The following GOLGA4 variants were observed in gnomAD, a reference collection of about 807,000 sequenced individuals.
The protein encoded by GOLGA4 is golgin subfamily A member 4.
GOLGA4 carries 169 observed loss-of-function variants against 265.9 expected under a neutral mutation model. The ratio of observed to expected loss-of-function variants is 0.64; its 90% CI spans 0.56 to 0.72. GOLGA4 has a LOEUF of 0.72. GOLGA4 is among the 30% of genes least tolerant of loss of function. GOLGA4 has a pLI of 0.00. For synonymous variants in GOLGA4, 923 were observed against 855.8 expected, an observed-to-expected ratio of 1.08 and a Z score of -1.37; for missense variants, 2,482 against 2,483.4, an observed-to-expected ratio of 1.00 and a Z score of 0.01.
At chr3:37,314,849 T>C (rs946652604) in intron 10 of GOLGA4, among the ~76,000 whole-genome samples, 3 of 152,194 alleles carry the variant, frequency 2.0e-5, no homozygotes, top group Non-Finnish European at 4.4e-5. Flanking sequence ...TTGAAACTTA[T>C]ACAAATAGTA....
chr3:37,271,969 G>T (rs567828729), intron 2 of GOLGA4, among the ~76,000 whole-genome samples: 185 of 152,284 alleles, frequency 1.2e-3, no homozygotes, highest in South Asian at 4.8e-3. Flanking sequence ...TAGGTTGCAT[G>T]CTCCTTATGA....
intron 2 of GOLGA4, among the ~76,000 whole-genome samples, chr3:37,281,665 CTG>C (rs541607969): frequency 2.0e-4 from 31 of 152,156 alleles, no homozygotes; most frequent in South Asian, 6.2e-4. Context: ...TGGGAAAGTA[CTG>C]TGTTTTTCTT....
chr3:37,350,725 AT>A (rs1342445710), intron 21 of GOLGA4, among the ~76,000 whole-genome samples: 3 of 152,102 alleles, frequency 2.0e-5, no homozygotes, highest in African/African-American at 7.2e-5. Context: ...AATCACACAA[AT>A]TATTTTGGTT....
chr3:37,298,940 C>A lies in GOLGA4; in HGVS notation c.922C>A (p.Gln308Lys), dbSNP rs1559398291. 1.9e-6 allele frequency: 3 copies of A among 1,612,460 alleles called. No individual in the cohort carries two copies. The highest frequency in any genetic ancestry group is 3.3e-5 in the Admixed American group (2 of 59,948). ...GGAAACAATTCAGTCACATAAGGAA[C>A]AATGTACACTATTAACTAGTGAAAA... is the stretch of plus-strand genomic sequence containing the variant. ...CKETIQSHKE[Q>K]CTLLTSEKEA... The change falls in exon 8 of 24, where the codon CAA becomes AAA. Residue 308 changes from glutamine (Q) to lysine (K), a missense_variant. By Grantham distance (53) the Gln-to-Lys change is moderately conservative. Coordinates refer to ENST00000361924, the MANE Select transcript of GOLGA4 (RefSeq NM_002078.5).
rs375095508 is a variant in GOLGA4, at chr3:37,295,122, A to G, written c.681+45A>G. The G allele has an allele frequency of 2.5e-5, 28 of 1,101,756 alleles. No individual in the cohort carries two copies. In the African/African-American group the frequency reaches 2.9e-4, roughly 11 times the overall value. 68.2% of individuals were successfully genotyped at this position (1,101,756 alleles called of 1,614,324 possible). ...AGTGTGGAATTTTTTGGATAAAGAA[A>G]AATAGAGGGGGTTTGATTTGGATAT... On this transcript the variant is annotated intron_variant, in intron 6 of 23. Coordinates refer to ENST00000361924, the MANE Select transcript of GOLGA4 (RefSeq NM_002078.5).
chr3:37,296,092 TCTA>T lies in GOLGA4; in HGVS notation c.690_692del (p.Leu231del). On this transcript the variant is annotated inframe_deletion, in exon 7 of 24. Coordinates refer to ENST00000361924, the MANE Select transcript of GOLGA4 (RefSeq NM_002078.5). ...ATGAAGCACATTTATATTAGGTTTC[TCTA>T]CTGAAACAACGATTACGAAATGGCC... 1 of 1,613,688 alleles carries T rather than the reference TCTA, an allele frequency of 6.2e-7. No homozygotes were observed. The highest frequency in any genetic ancestry group is 8.5e-7 in the Non-Finnish European group (1 of 1,179,562).
chr3:37,299,175 G>A (rs548192107), intron 8 of GOLGA4, 113 bp from the exon 9 acceptor site: 3 of 921,110 alleles, frequency 3.3e-6, no homozygotes, highest in African/African-American at 3.4e-5. Flanking sequence ...GACTTACTGT[G>A]TACTTTTTTC....
chr3:37,325,423 A>G lies in GOLGA4; in HGVS notation c.3537A>G (p.Lys1179=). ...TTTCTGAGTTGACTAGCAAGTTGAA[A>G]ACCACAGATGAAGAATTCCAGAGTT... ...RKVSELTSKL[K]TTDEEFQSLK... is the part of the protein sequence containing the mutation. Residue 1179 remains lysine (K), a synonymous_variant, in exon 14 of 24, where the codon AAA becomes AAG. Coordinates refer to ENST00000361924, the MANE Select transcript of GOLGA4 (RefSeq NM_002078.5). 1 of 1,611,180 alleles carries G rather than the reference A, an allele frequency of 6.2e-7. No individual in the cohort carries two copies. Among genetic ancestry groups the G allele is most frequent in the Non-Finnish European group, 8.5e-7 (1 of 1,179,132 alleles).
At chr3:37,251,327 GACT>G (rs2096733040) in intron 1 of GOLGA4, 65 bp from the exon 2 acceptor site, 1 of 926,986 alleles carries the variant, frequency 1.1e-6, no homozygotes, top group African/African-American at 1.6e-5. Context: ...CTGAGAGAAG[GACT>G]ACCTAGTTCA....
At chr3:37,258,154 ATATG>A (rs1346249874) in intron 2 of GOLGA4, among the ~76,000 whole-genome samples, 1 of 142,604 alleles carries the variant, frequency 7.0e-6, no homozygotes, top group Non-Finnish European at 1.5e-5. Flanking sequence ...TATGTTCTGT[ATATG>A]TATGCTATAT....
chr3:37,313,967 T>TG (rs1167689179), intron 10 of GOLGA4, among the ~76,000 whole-genome samples: 1 of 145,168 alleles, frequency 6.9e-6, no homozygotes, highest in Non-Finnish European at 1.5e-5. Context: ...ACACATGTAT[T>TG]TTTTTTTTTT....
chr3:37,276,692 A>G (rs2096820318), intron 2 of GOLGA4: 1 of 1,192,636 alleles, frequency 8.4e-7, no homozygotes, highest in East Asian at 2.6e-5. Flanking sequence ...CCTGCAAATC[A>G]AATTTTTAAA....
chr3:37,264,065 C>A (rs1349830952), intron 2 of GOLGA4, among the ~76,000 whole-genome samples: 1 of 152,180 alleles, frequency 6.6e-6, no homozygotes, highest in African/African-American at 2.4e-5. Context: ...TTTGCTTTTG[C>A]TAGGGTTAGA....
At chr3:37,342,149 C>T (rs2097037616) in intron 20 of GOLGA4, among the ~76,000 whole-genome samples, 1 of 152,088 alleles carries the variant, frequency 6.6e-6, no homozygotes, top group Non-Finnish European at 1.5e-5. Flanking sequence ...TTGAGACCAG[C>T]TTGGACAACA....
rs182417759 is a variant in GOLGA4 at position 37,366,279 on chromosome 3, G to C, written c.*233G>C. 2.2e-6 allele frequency: 1 copy of C among 446,196 alleles called. No individual in the cohort carries two copies. Among genetic ancestry groups the C allele is most frequent in the East Asian group, 3.3e-5 (1 of 30,512 alleles). 27.6% of individuals were successfully genotyped at this position (446,196 alleles called of 1,614,324 possible). On this transcript the variant is annotated 3_prime_UTR_variant, in exon 24 of 24. Transcript: ENST00000361924. Reference sequence around the variant, plus strand: ...TTTTATCAGTGGAGAAATGGTGATAGTTTTTTCTTCAGTTTTCTCTTGGGA... The same window carrying C: ...TTTTATCAGTGGAGAAATGGTGATACTTTTTTCTTCAGTTTTCTCTTGGGA...
At chr3:37,327,897 T>TA in intron 14 of GOLGA4, 72 bp downstream of exon 14, 1 of 1,175,816 alleles carries the variant, frequency 8.5e-7, no homozygotes, top group South Asian at 1.6e-5. Flanking sequence ...TTGTGCCTAA[T>TA]ACAGTTATTT....
At chr3:37,311,989 G>C (rs535732562) in intron 10 of GOLGA4, among the ~76,000 whole-genome samples, 35 of 152,178 alleles carry the variant, frequency 2.3e-4, no homozygotes, top group African/African-American at 7.5e-4. Context: ...AATGAAAACA[G>C]AAAATTCACT....
chr3:37,350,146 T>A (rs1047132079), intron 21 of GOLGA4, among the ~76,000 whole-genome samples: 2 of 152,184 alleles, frequency 1.3e-5, no homozygotes, highest in African/African-American at 4.8e-5. Context: ...ATTTGAACTT[T>A]TCCTTACTTC....
intron 21 of GOLGA4, 35 bp from the exon 22 acceptor site, chr3:37,355,066 T>C (rs372151127): frequency 3.5e-5 from 41 of 1,181,494 alleles, no homozygotes; most frequent in East Asian, 1.4e-4. Context: ...TATGCTTCAC[T>C]GTCTGTTAGT....
Sources: gnomAD v4.1 joint callset for allele counts (sites outside exome capture counted in the v4.1 genomes callset) on GRCh38, gnomAD v4.1.1 for gene constraint, MANE v1.5 for transcripts, NCBI Gene and HGNC (gene_info 2026-07-23, HGNC 2026-07-21) for gene names.